The following INPP5D variants were observed in gnomAD, a reference collection of about 807,000 sequenced individuals.
INPP5D encodes the protein inositol polyphosphate-5-phosphatase D.
Under a neutral mutation model 122.9 loss-of-function variants are expected in INPP5D, and 33 were observed. That is an observed-to-expected ratio of 0.27 (90% CI 0.20 to 0.36). INPP5D has a LOEUF of 0.36. INPP5D is among the 10% of genes least tolerant of loss of function. The probability of loss-of-function intolerance (pLI) is 1.00; values close to 1 mark genes in which losing one functional copy is unlikely to be tolerated. For missense variants in INPP5D, 1,053 were observed against 1,412.7 expected (o/e 0.75, Z 4.08); for synonymous variants, 584 against 576.2 (o/e 1.01, Z -0.19).
chr2:233,147,818 T>G (rs1693809409), intron 9 of INPP5D, among the ~76,000 whole-genome samples: 1 of 152,168 alleles, frequency 6.6e-6, no homozygotes, highest in South Asian at 2.1e-4. Context: ...CTTGCACAGA[T>G]GAGGTCTTGT....
intron 2 of INPP5D, among the ~76,000 whole-genome samples, chr2:233,090,756 G>A (rs992505864): frequency 3.0e-4 from 45 of 152,146 alleles, no homozygotes; most frequent in African/African-American, 7.7e-4. Flanking sequence ...TCAGGAGTTC[G>A]AGACCAGCCT....
rs553363968 is a variant in INPP5D, at chr2:233,113,242, G to A, written c.199-8865G>A. Among the ~76,000 whole-genome samples, 10 of 152,094 alleles carry A rather than the reference G, an allele frequency of 6.6e-5. No individual in the cohort carries two copies. In the East Asian group the frequency reaches 7.7e-4, roughly 12 times the overall value. ...GGCTGTGCAGACTTCTAAGGCCCTC[G>A]TCATGTCCTTATCCCAGCTGCTCCC... On this transcript the variant is annotated intron_variant, in intron 2 of 26. Transcript: ENST00000445964.
chr2:233,145,004 C>T (rs1456130937), intron 6 of INPP5D, among the ~76,000 whole-genome samples: 2 of 152,016 alleles, frequency 1.3e-5, no homozygotes, highest in Non-Finnish European at 2.9e-5. Context: ...ACATCACCTG[C>T]CTGGTGATAA....
chr2:233,104,293 A>G (rs1692406045), intron 2 of INPP5D, among the ~76,000 whole-genome samples: 1 of 152,180 alleles, frequency 6.6e-6, no homozygotes, highest in Non-Finnish European at 1.5e-5. Flanking sequence ...AAATAGGAAG[A>G]CTAACAGAAA....
chr2:233,144,699 A>ATGGTGATGGTGAGGGTGAAGGTGGTG (rs1693711857), intron 6 of INPP5D, among the ~76,000 whole-genome samples: 2 of 54,462 alleles, frequency 3.7e-5, no homozygotes, highest in Non-Finnish European at 1.1e-4. Context: ...TGGAGGTGGT[A>ATGGTGATGGTGAGGGTGAAGGTGGTG]GTAGTGATGG....
intron 2 of INPP5D, among the ~76,000 whole-genome samples, chr2:233,103,852 A>G (rs1692388080): frequency 3.5e-5 from 5 of 143,288 alleles, no homozygotes. Context: ...GATTACAGGC[A>G]TGTACCACCA....
chr2:233,196,131 AC>A (rs990977852), intron 24 of INPP5D, among the ~76,000 whole-genome samples: 1 of 152,198 alleles, frequency 6.6e-6, no homozygotes, highest in Non-Finnish European at 1.5e-5. Flanking sequence ...CTCAAAAAAA[AC>A]AAAACAAAAC....
intron 22 of INPP5D, among the ~76,000 whole-genome samples, chr2:233,190,165 C>G (rs539355809): frequency 4.6e-5 from 7 of 152,332 alleles, no homozygotes; most frequent in Admixed American, 2.6e-4. Context: ...ATTGAGCCTT[C>G]CCTATGTGTG....
chr2:233,162,887 C>T (rs138955037), intron 11 of INPP5D, among the ~76,000 whole-genome samples: 1,567 of 152,318 alleles, frequency 0.01, 25 homozygotes, highest in African/African-American at 0.036. Flanking sequence ...GCCTGATCTC[C>T]TCCCTCTGGA....
chr2:233,061,473 G>C (rs1280724573), intron 1 of INPP5D, among the ~76,000 whole-genome samples: 1 of 152,142 alleles, frequency 6.6e-6, no homozygotes, highest in African/African-American at 2.4e-5. Context: ...GGCAGTGCCG[G>C]AGTGTAGTCA....
intron 21 of INPP5D, among the ~76,000 whole-genome samples, chr2:233,187,260 G>A (rs1005579149): frequency 2.6e-5 from 4 of 152,116 alleles, no homozygotes; most frequent in African/African-American, 7.2e-5. Context: ...GGGTGTCCTC[G>A]AGTACAAGCT....
chr2:233,091,721 A>G (rs545140430), intron 2 of INPP5D, among the ~76,000 whole-genome samples: 2 of 152,366 alleles, frequency 1.3e-5, no homozygotes, highest in Admixed American at 6.5e-5. Context: ...GCCATGGTAC[A>G]TAACAGCCAC....
intron 3 of INPP5D, 95 bp from the exon 4 acceptor site, chr2:233,125,650 C>G: frequency 1.9e-6 from 2 of 1,072,306 alleles, no homozygotes; most frequent in South Asian, 3.2e-5. Flanking sequence ...AGATCAATAA[C>G]GTGGGTGTCG....
intron 3 of INPP5D, among the ~76,000 whole-genome samples, chr2:233,122,846 T>C (rs1693030516): frequency 6.6e-6 from 1 of 152,126 alleles, no homozygotes; most frequent in Non-Finnish European, 1.5e-5. Context: ...CAGTAAAGAC[T>C]GAACTTCCTC....
rs1160357196 is a variant in INPP5D, at chr2:233,137,853, AATATATATATATATAT to A, written c.666-1959_666-1944del. Among the ~76,000 whole-genome samples the A allele has an allele frequency of 8.3e-3, 229 of 27,666 alleles. 4 individuals carry two copies. Among genetic ancestry groups the A allele is most frequent in the Admixed American group, 0.017 (19 of 1,146 alleles). 18.1% of individuals were successfully genotyped at this position (27,666 alleles called of 152,430 possible). ...ATCACAAAAAAAAAAAAAAAAAAAAAATATATATATATATATATATATATATATATATATATATATA... is the reference window on the plus strand; with the variant it reads ...ATCACAAAAAAAAAAAAAAAAAAAAAATATATATATATATATATATATATA... On this transcript the variant is annotated intron_variant, in intron 5 of 26. Transcript: ENST00000445964.
In INPP5D at chr2:233,182,420, C is replaced by CGACATCAT; in HGVS notation, c.2086_2093dup (p.Asp700Ter). The CGACATCAT allele has an allele frequency of 3.7e-6, 6 of 1,613,590 alleles. No homozygotes were observed. The highest frequency in any genetic ancestry group is 4.2e-6 in the Non-Finnish European group (5 of 1,179,634). On this transcript the variant is annotated frameshift_variant, in exon 19 of 27. Coordinates refer to ENST00000445964, the MANE Select transcript of INPP5D (RefSeq NM_001017915.3). LOFTEE classifies it high-confidence loss of function. ...TTCCCTCCCCTGCAGGCAGTACCAGCGACATCATGACGAGTGACCACAGCC... is the reference window on the plus strand; with the variant it reads ...TTCCCTCCCCTGCAGGCAGTACCAGCGACATCATGACATCATGACGAGTGACCACAGCC...
chr2:233,139,463 C>T (rs983539186), intron 5 of INPP5D, among the ~76,000 whole-genome samples: 1 of 115,468 alleles, frequency 8.7e-6, no homozygotes, highest in Non-Finnish European at 1.7e-5. Context: ...GCATTGTTAA[C>T]ACCTGTGTGT....
intron 22 of INPP5D, 75 bp from the exon 23 acceptor site, chr2:233,193,737 C>T: frequency 6.2e-7 from 1 of 1,609,298 alleles, no homozygotes; most frequent in Non-Finnish European, 8.5e-7. Context: ...AGGACCAACT[C>T]TCCGGCCAAG....
chr2:233,100,174 T>C lies in INPP5D; in HGVS notation c.198+20776T>C, dbSNP rs1268885047. On this transcript the variant is annotated intron_variant, in intron 2 of 26. Coordinates refer to ENST00000445964, the MANE Select transcript of INPP5D (RefSeq NM_001017915.3). The surrounding 1 kb of genome is among the most constrained non-coding windows in gnomAD (Gnocchi z 5.3). ...TTCCCTTTCAATGGGGCAGTTCTCT[T>C]TGATGTGTCACCATCCCCACCTCGC... Among the ~76,000 whole-genome samples, 1 of 152,220 alleles carries C rather than the reference T, an allele frequency of 6.6e-6. No individual in the cohort carries two copies. Among genetic ancestry groups the C allele is most frequent in the Non-Finnish European group, 1.5e-5 (1 of 68,046 alleles).
Sources: gnomAD v4.1 joint callset for allele counts (sites outside exome capture counted in the v4.1 genomes callset) on GRCh38, gnomAD v4.1.1 for gene constraint, Gnocchi (gnomAD v3.1) non-coding constraint, MANE v1.5 for transcripts, NCBI Gene and HGNC (gene_info 2026-07-23, HGNC 2026-07-21) for gene names.